Variants in SH3RF3 observed in about 807,000 individuals in gnomAD.
SH3RF3 encodes the protein E3 ubiquitin-protein ligase SH3RF3.
In SH3RF3, 29 loss-of-function variants were observed where a neutral mutation model predicts 66.3. That is an observed-to-expected ratio of 0.44 (90% CI 0.33 to 0.60). The LOEUF (loss-of-function observed/expected upper bound fraction) is 0.60, where lower values mean the gene tolerates loss of function less well. Ranked by LOEUF, SH3RF3 falls within the 20% of genes least tolerant of loss-of-function variation. The pLI is 0.04. For synonymous variants in SH3RF3, 583 were observed against 532.0 expected (o/e 1.10, Z -1.32); for missense variants, 1,194 against 1,190.9 (o/e 1.00, Z -0.04).
chr2:109,181,113 G>A (rs556599309), intron 1 of SH3RF3, among the ~76,000 whole-genome samples: 1 of 152,344 alleles, frequency 6.6e-6, no homozygotes, highest in Non-Finnish European at 1.5e-5. Flanking sequence ...GTGAGGAGAA[G>A]TGATGGCTCA....
chr2:109,431,897 C>T (rs1677226644), intron 5 of SH3RF3, among the ~76,000 whole-genome samples: 1 of 152,110 alleles, frequency 6.6e-6, no homozygotes, highest in Non-Finnish European at 1.5e-5. Context: ...AGTAATTAAC[C>T]ATAGCACAAT....
intron 5 of SH3RF3, among the ~76,000 whole-genome samples, chr2:109,422,217 C>T (rs548882434): frequency 4.9e-4 from 74 of 152,318 alleles, no homozygotes; most frequent in Non-Finnish European, 8.1e-4. Context: ...TGCACTGCTG[C>T]CCATTGCGGG....
At chr2:109,467,358 G>A (rs1250344326) in intron 8 of SH3RF3, among the ~76,000 whole-genome samples, 2 of 152,232 alleles carry the variant, frequency 1.3e-5, no homozygotes, top group East Asian at 1.9e-4. Context: ...GCGCAAAATC[G>A]GCCAAGAGCC....
At chr2:109,294,673 A>T (rs1681266705) in intron 1 of SH3RF3, among the ~76,000 whole-genome samples, 1 of 151,710 alleles carries the variant, frequency 6.6e-6, no homozygotes, top group African/African-American at 2.4e-5. Flanking sequence ...CTGCTGGGTG[A>T]TGTGGTGACG....
chr2:109,373,881 G>A (rs1208364733), intron 3 of SH3RF3, among the ~76,000 whole-genome samples: 1 of 152,158 alleles, frequency 6.6e-6, no homozygotes, highest in Non-Finnish European at 1.5e-5. Context: ...CCCCTCCTCT[G>A]GAAGAAGCTG....
intron 7 of SH3RF3, among the ~76,000 whole-genome samples, chr2:109,446,722 G>A (rs1162752964): frequency 6.6e-6 from 1 of 152,112 alleles, no homozygotes; most frequent in Non-Finnish European, 1.5e-5. Flanking sequence ...GTGGCTGAGG[G>A]GAGAGTATTA....
At chr2:109,162,203 G>GTACA (rs1248386796) in intron 1 of SH3RF3, among the ~76,000 whole-genome samples, 1 of 152,166 alleles carries the variant, frequency 6.6e-6, no homozygotes, top group Non-Finnish European at 1.5e-5. Context: ...CTTACTTTAT[G>GTACA]TGTGCCTAGG....
At chr2:109,428,679 C>T (rs1463531154) in intron 5 of SH3RF3, among the ~76,000 whole-genome samples, 1 of 152,226 alleles carries the variant, frequency 6.6e-6, no homozygotes, top group African/African-American at 2.4e-5. Flanking sequence ...CCTAAAATCC[C>T]ATGATTGCCT....
At chr2:109,248,150 A>G (rs759546360) in intron 1 of SH3RF3, among the ~76,000 whole-genome samples, 12 of 152,158 alleles carry the variant, frequency 7.9e-5, no homozygotes, top group Non-Finnish European at 1.8e-4. Context: ...TTGATCTTTT[A>G]TATTAGGAGG....
At chr2:109,460,229 T>C (rs1010000617) in intron 8 of SH3RF3, among the ~76,000 whole-genome samples, 1 of 152,190 alleles carries the variant, frequency 6.6e-6, no homozygotes, top group Non-Finnish European at 1.5e-5. Context: ...GCAGAAGCAT[T>C]GTGTGTAGGG....
At chr2:109,350,539 G>A (rs765706359) in intron 2 of SH3RF3, among the ~76,000 whole-genome samples, 2 of 152,328 alleles carry the variant, frequency 1.3e-5, no homozygotes, top group African/African-American at 2.4e-5. Flanking sequence ...AGGTCGGGCA[G>A]AGATTGGCCA....
intron 1 of SH3RF3, among the ~76,000 whole-genome samples, chr2:109,237,779 C>T (rs1279655940): frequency 6.6e-6 from 1 of 152,050 alleles, no homozygotes; most frequent in Non-Finnish European, 1.5e-5. Flanking sequence ...AGAAAATCAT[C>T]CTGAAAACAA....
chr2:109,145,082 G>A (rs940867706), intron 1 of SH3RF3, among the ~76,000 whole-genome samples: 2 of 152,300 alleles, frequency 1.3e-5, no homozygotes, highest in South Asian at 2.1e-4. Flanking sequence ...GCCCTCTTAC[G>A]GGGCCTGGAG....
chr2:109,251,794 A>T (rs1574530361), intron 1 of SH3RF3: 1 of 513,634 alleles, frequency 1.9e-6, no homozygotes, highest in Non-Finnish European at 3.4e-6. Context: ...ATTAGATAAT[A>T]CTAAAAAATA....
At chr2:109,357,244 C>T (rs1174641800) in intron 2 of SH3RF3, among the ~76,000 whole-genome samples, 2 of 151,712 alleles carry the variant, frequency 1.3e-5, no homozygotes, top group Non-Finnish European at 1.5e-5. Context: ...TGCAGTGGCA[C>T]GATCTCGGCT....
intron 4 of SH3RF3, among the ~76,000 whole-genome samples, chr2:109,414,218 C>T (rs912765093): frequency 2.0e-5 from 3 of 152,186 alleles, no homozygotes; most frequent in African/African-American, 2.4e-5. Context: ...TTCAGGACAA[C>T]GATCACGAGC....
chr2:109,317,394 C>T (rs1681912036), intron 1 of SH3RF3, among the ~76,000 whole-genome samples: 1 of 152,108 alleles, frequency 6.6e-6, no homozygotes, highest in Non-Finnish European at 1.5e-5. Flanking sequence ...AGGTCTGGGG[C>T]TCTTTTTCCC....
chr2:109,251,556 T>TG (rs1680092392), intron 1 of SH3RF3: 1 of 780,796 alleles, frequency 1.3e-6, no homozygotes, highest in Non-Finnish European at 2.4e-6. Context: ...TAGATGAATG[T>TG]GTGGAGATGG....
intron 1 of SH3RF3, among the ~76,000 whole-genome samples, chr2:109,140,677 G>A (rs527968384): frequency 1.2e-3 from 184 of 152,192 alleles, no homozygotes; most frequent in South Asian, 5.0e-3. Context: ...CACCATGCCC[G>A]GCCAATTTCA....
Sources: allele counts gnomAD v4.1 joint callset (sites outside exome capture counted in the v4.1 genomes callset), GRCh38; gene constraint gnomAD v4.1.1; transcripts MANE v1.5; gene names NCBI Gene and HGNC (gene_info 2026-07-23, HGNC 2026-07-21).